The following RHOT1 variants were observed in gnomAD, a reference collection of about 807,000 sequenced individuals.
RHOT1 encodes ras homolog family member T1, also known as mitochondrial Rho GTPase 1.
Under a neutral mutation model 95.3 loss-of-function variants are expected in RHOT1, and 27 were observed. That is an observed-to-expected ratio of 0.28 (90% CI 0.21 to 0.39). RHOT1 has a LOEUF of 0.39. Ranked by LOEUF, RHOT1 falls within the 10% of genes least tolerant of loss-of-function variation. The pLI is 1.00. For synonymous variants in RHOT1, 227 were observed against 263.5 expected (o/e 0.86, Z 1.34); for missense variants, 578 against 786.7 (o/e 0.73, Z 3.17).
At chr17:32,187,137 G>T (rs1247096094) in intron 8 of RHOT1, among the ~76,000 whole-genome samples, 1 of 151,876 alleles carries the variant, frequency 6.6e-6, no homozygotes, top group Non-Finnish European at 1.5e-5. Flanking sequence ...AAATACAAAA[G>T]TTAGCTGGGC....
intron 19 of RHOT1, among the ~76,000 whole-genome samples, chr17:32,220,594 G>A (rs991394293): frequency 6.6e-6 from 1 of 152,076 alleles, no homozygotes; most frequent in Non-Finnish European, 1.5e-5. Flanking sequence ...CAGCACTTTG[G>A]GAGGCTGAGG....
At chr17:32,149,893 C>T (rs1372812723) in intron 1 of RHOT1, among the ~76,000 whole-genome samples, 1 of 151,606 alleles carries the variant, frequency 6.6e-6, no homozygotes, top group Admixed American at 6.6e-5. Flanking sequence ...GGATTATAGG[C>T]ATGTGCCATC....
intron 1 of RHOT1, among the ~76,000 whole-genome samples, chr17:32,169,433 T>TA (rs971368408): frequency 6.6e-6 from 1 of 152,150 alleles, no homozygotes; most frequent in Non-Finnish European, 1.5e-5. Context: ...AGTTTGTGTA[T>TA]AAAAAAATTG....
intron 1 of RHOT1, among the ~76,000 whole-genome samples, chr17:32,147,344 C>G (rs888718895): frequency 7.2e-5 from 11 of 152,108 alleles, no homozygotes; most frequent in African/African-American, 2.7e-4. Context: ...TATGCCTGGC[C>G]TAAGATCATT....
At position 32,224,702 on chromosome 17, in the gene RHOT1, C is replaced by G; in HGVS notation, c.1949C>G (p.Ala650Gly). The G allele has an allele frequency of 6.2e-7, 1 of 1,612,404 alleles. No individual in the cohort carries two copies. Among genetic ancestry groups the G allele is most frequent in the East Asian group, 2.2e-5 (1 of 44,834 alleles). Residue 650 changes from alanine (A) to glycine (G), a missense_variant, in exon 20 of 20, where the codon GCT becomes GGT. Ala to Gly is a moderately conservative substitution (Grantham distance 60). This residue lies in a region of RHOT1 where 296 missense variants were observed against 338.5 expected (regional missense o/e 0.87). Coordinates refer to ENST00000545287, the MANE Select transcript of RHOT1 (RefSeq NM_001033566.3). Reference protein sequence around the residue: ...GATVFAVLGFAMYKALLKQR With the variant: ...GATVFAVLGFGMYKALLKQR ...ACTGTTTTTGCAGTTTTGGGCTTTG[C>G]TATGTACAAAGCATTATTGAAACAG...
intron 6 of RHOT1, 148 bp from the exon 7 acceptor site, chr17:32,182,609 A>G: frequency 3.5e-6 from 2 of 566,042 alleles, no homozygotes; most frequent in Non-Finnish European, 6.2e-6. Context: ...CGTGCTATCT[A>G]GGGGGCTCAA....
intron 1 of RHOT1, among the ~76,000 whole-genome samples, chr17:32,155,057 C>T (rs919678505): frequency 1.3e-5 from 2 of 152,042 alleles, no homozygotes; most frequent in African/African-American, 4.8e-5. Context: ...GCACTGCAGC[C>T]TGGACAACAG....
intron 6 of RHOT1, among the ~76,000 whole-genome samples, chr17:32,177,276 G>A (rs1417811345): frequency 6.6e-6 from 1 of 152,142 alleles, no homozygotes; most frequent in African/African-American, 2.4e-5. Flanking sequence ...ACTTAGCCAC[G>A]TTTCAAGTGC....
chr17:32,145,861 A>G (rs532118248), intron 1 of RHOT1, among the ~76,000 whole-genome samples: 1 of 152,206 alleles, frequency 6.6e-6, no homozygotes, highest in Non-Finnish European at 1.5e-5. Flanking sequence ...CAAAAAATAC[A>G]AAAAATTAGC....
intron 1 of RHOT1, among the ~76,000 whole-genome samples, chr17:32,144,327 C>G (rs1021400659): frequency 1.3e-5 from 2 of 151,598 alleles, no homozygotes; most frequent in East Asian, 2.0e-4. Context: ...GCAGGCAGAT[C>G]ACTTGAGGTC....
At chr17:32,215,313 AAATAGAAATTACT>A (rs1473719147) in intron 19 of RHOT1, among the ~76,000 whole-genome samples, 3 of 152,174 alleles carry the variant, frequency 2.0e-5, no homozygotes, top group Non-Finnish European at 2.9e-5. Context: ...TTGGTCACTG[AAATAGAAATTACT>A]ACCAGATATG....
intron 8 of RHOT1, among the ~76,000 whole-genome samples, chr17:32,186,279 G>T (rs1395855232): frequency 6.6e-6 from 1 of 151,960 alleles, no homozygotes; most frequent in Non-Finnish European, 1.5e-5. Context: ...TTTCCCTGAT[G>T]GCTAATGATG....
At chr17:32,186,481 A>G (rs1478122634) in intron 8 of RHOT1, among the ~76,000 whole-genome samples, 2 of 150,074 alleles carry the variant, frequency 1.3e-5, no homozygotes, top group African/African-American at 4.9e-5. Context: ...CTCCTGCTTC[A>G]GCCTCCCGGG....
chr17:32,147,827 A>T (rs116116934), intron 1 of RHOT1, among the ~76,000 whole-genome samples: 1,717 of 152,076 alleles, frequency 0.011, 35 homozygotes, highest in African/African-American at 0.039. Flanking sequence ...TCAAAAAAAA[A>T]AAAAAAGATT....
chr17:32,143,243 G>C, intron 1 of RHOT1: 1 of 373,720 alleles, frequency 2.7e-6, no homozygotes, highest in South Asian at 2.1e-5. Flanking sequence ...TCGACTTGTG[G>C]GCAAGGTCAG....
intron 5 of RHOT1, 37 bp from the exon 6 acceptor site, chr17:32,176,124 C>CT: frequency 6.3e-7 from 1 of 1,599,268 alleles, no homozygotes; most frequent in Non-Finnish European, 8.5e-7. Context: ...TGTAAAGATC[C>CT]TTATCATGGC....
chr17:32,155,674 C>T (rs985185974), intron 1 of RHOT1, among the ~76,000 whole-genome samples: 1 of 151,790 alleles, frequency 6.6e-6, no homozygotes, highest in Non-Finnish European at 1.5e-5. Flanking sequence ...TCCCGATTAC[C>T]TGAGACTATG....
At chr17:32,186,175 A>C (rs2036035263) in intron 8 of RHOT1, among the ~76,000 whole-genome samples, 1 of 152,192 alleles carries the variant, frequency 6.6e-6, no homozygotes, top group African/African-American at 2.4e-5. Flanking sequence ...CAGTTCCTCC[A>C]CATCTTTGCC....
At chr17:32,194,200 G>A in intron 11 of RHOT1, 93 bp downstream of exon 11, 1 of 1,305,406 alleles carries the variant, frequency 7.7e-7, no homozygotes, top group Non-Finnish European at 1.1e-6. Flanking sequence ...TTGAACTCCT[G>A]AGTCAAGTGA....
Sources: gnomAD v4.1 joint callset for allele counts (sites outside exome capture counted in the v4.1 genomes callset) on GRCh38, gnomAD v4.1.1 for gene constraint, gnomAD v4.1.1 regional missense constraint, MANE v1.5 for transcripts, NCBI Gene and HGNC (gene_info 2026-07-23, HGNC 2026-07-21) for gene names.